The following MRTFA variants were observed in gnomAD, a reference collection of about 807,000 sequenced individuals.
MRTFA encodes the protein myocardin related transcription factor A, also known as myocardin-related transcription factor A.
In MRTFA, 20 loss-of-function variants were observed where a neutral mutation model predicts 83.5. That is an observed-to-expected ratio of 0.24 (90% CI 0.17 to 0.35). The LOEUF is 0.35. Among genes scored for constraint, MRTFA ranks in the 10% least tolerant of loss-of-function variants. MRTFA has a pLI of 1.00. For missense variants in MRTFA, 1,200 were observed against 1,224.7 expected (o/e 0.98, Z 0.30); for synonymous variants, 659 against 541.2 (o/e 1.22, Z -3.02).
At position 40,411,786 on chromosome 22, in the gene MRTFA, A is replaced by C; in HGVS notation, c.2700T>G (p.Ala900=). ...AGGGTGAGCCTGGAGGAGGTGGGGCAGCCTGGGGGAGCTCAGCAGAAGGTG... is the reference window on the plus strand; with the variant it reads ...AGGGTGAGCCTGGAGGAGGTGGGGCCGCCTGGGGGAGCTCAGCAGAAGGTG... Residue 900 remains alanine, a synonymous_variant, in exon 15 of 15, where the codon GCT becomes GCG. Coordinates refer to ENST00000355630, the MANE Select transcript of MRTFA (RefSeq NM_020831.6). 1 of 1,529,462 alleles carries C rather than the reference A, an allele frequency of 6.5e-7. No individual in the cohort carries two copies. The highest frequency in any genetic ancestry group is 8.8e-7 in the Non-Finnish European group (1 of 1,133,594). The allele number at this position is 1,529,462 out of a possible 1,614,324, so 94.7% of individuals were successfully genotyped here. A position where few individuals can be genotyped will look rare whatever the true frequency, so the allele number is the denominator to read the frequency against.
intron 2 of MRTFA, among the ~76,000 whole-genome samples, chr22:40,570,198 T>C (rs2055768687): frequency 6.6e-6 from 1 of 152,112 alleles, no homozygotes; most frequent in Admixed American, 6.5e-5. Flanking sequence ...CCAGCCTCCC[T>C]TGCAGCTAAG....
intron 1 of MRTFA, among the ~76,000 whole-genome samples, chr22:40,595,735 C>A (rs1386227671): frequency 1.3e-5 from 2 of 151,896 alleles, no homozygotes; most frequent in East Asian, 1.9e-4. Flanking sequence ...GAAGGCTTTA[C>A]GTAAGAGATG....
intron 3 of MRTFA, chr22:40,523,622 G>A (rs1205577183): frequency 6.6e-6 from 1 of 152,170 alleles, no homozygotes; most frequent in Non-Finnish European, 1.5e-5. Flanking sequence ...TTACAGCTGT[G>A]AGCCACTGCA....
rs749878516 is a variant in MRTFA, at chr22:40,411,417, C to G, written c.3069G>C (p.Leu1023Phe). 1 of 1,570,694 alleles carries G rather than the reference C, an allele frequency of 6.4e-7. No individual in the cohort carries two copies. Among genetic ancestry groups the G allele is most frequent in the South Asian group, 1.2e-5 (1 of 86,590 alleles). Residue 1023 changes from leucine to phenylalanine, a missense_variant, in exon 15 of 15, where the codon TTG becomes TTC. Leu to Phe is a conservative substitution (Grantham distance 22). Coordinates refer to ENST00000355630, the MANE Select transcript of MRTFA (RefSeq NM_020831.6). ...ACAAGCAGGAATCCCAGTGCAGCTG[C>G]AAATCATGGCCATCGAGGAAGTCTG...
intron 2 of MRTFA, among the ~76,000 whole-genome samples, chr22:40,572,329 G>T (rs1043371912): frequency 1.3e-5 from 2 of 152,130 alleles, no homozygotes; most frequent in African/African-American, 4.8e-5. Flanking sequence ...TGTACACTTT[G>T]CCAGGTGCAG....
intron 4 of MRTFA, among the ~76,000 whole-genome samples, chr22:40,447,900 T>C (rs551677224): frequency 2.6e-5 from 4 of 152,152 alleles, no homozygotes; most frequent in Non-Finnish European, 5.9e-5. Flanking sequence ...TAAAGGAGTA[T>C]AGAAAACGAA....
intron 7 of MRTFA, 21 bp from the exon 8 acceptor site, chr22:40,424,402 G>C: frequency 6.2e-7 from 1 of 1,610,852 alleles, no homozygotes. Context: ...AAGCTGGTGT[G>C]AGATTCCACT....
intron 3 of MRTFA, among the ~76,000 whole-genome samples, chr22:40,529,030 G>A (rs918730467): frequency 3.9e-5 from 6 of 152,190 alleles, no homozygotes; most frequent in Non-Finnish European, 7.4e-5. Context: ...GGAGTTTTTC[G>A]TCAGTTCTAC....
chr22:40,459,830 CATATATATATATATATATATATAT>C (rs55885079), intron 4 of MRTFA, among the ~76,000 whole-genome samples: 1 of 86,952 alleles, frequency 1.2e-5, no homozygotes, highest in African/African-American at 4.9e-5. Flanking sequence ...CACATATATA[CATATATATATATATATATATATAT>C]ATATATATAC....
chr22:40,600,604 C>G (rs1216919638), intron 1 of MRTFA, among the ~76,000 whole-genome samples: 1 of 152,198 alleles, frequency 6.6e-6, no homozygotes, highest in East Asian at 1.9e-4. Flanking sequence ...GCCTGCTGGT[C>G]AACCCAGATG....
At chr22:40,527,195 C>T (rs546840051) in intron 3 of MRTFA, among the ~76,000 whole-genome samples, 1 of 152,066 alleles carries the variant, frequency 6.6e-6, no homozygotes, top group Admixed American at 6.6e-5. Flanking sequence ...AAAAATTTCA[C>T]TACTGAGTTT....
chr22:40,431,664 A>G (rs1602231634), intron 5 of MRTFA, among the ~76,000 whole-genome samples, 184 bp from the exon 6 acceptor site: 1 of 152,004 alleles, frequency 6.6e-6, no homozygotes, highest in African/African-American at 2.4e-5. Context: ...CCAAAATCCA[A>G]CTGCACCTGC....
At chr22:40,457,390 AAAAG>A (rs776556999) in intron 4 of MRTFA, among the ~76,000 whole-genome samples, 22 of 151,028 alleles carry the variant, frequency 1.5e-4, no homozygotes, top group East Asian at 7.8e-4. Flanking sequence ...AAAGAAAAGA[AAAAG>A]AAAGAAAGAA....
chr22:40,572,985 A>G (rs2055817721), intron 2 of MRTFA, among the ~76,000 whole-genome samples: 1 of 152,186 alleles, frequency 6.6e-6, no homozygotes, highest in African/African-American at 2.4e-5. Flanking sequence ...TGAGCCCTGA[A>G]AGCACTATGC....
intron 1 of MRTFA, among the ~76,000 whole-genome samples, chr22:40,630,005 G>C (rs2056624832): frequency 6.6e-6 from 1 of 151,842 alleles, no homozygotes; most frequent in Admixed American, 6.6e-5. Context: ...AGGTTAATCT[G>C]GAGGGCATTT....
intron 2 of MRTFA, among the ~76,000 whole-genome samples, chr22:40,560,324 A>C (rs1335959423): frequency 6.6e-6 from 1 of 152,254 alleles, no homozygotes; most frequent in Non-Finnish European, 1.5e-5. Context: ...AGACACAGCA[A>C]GGTTTCCTTA....
At chr22:40,447,365 AAAG>A (rs2053400454) in intron 4 of MRTFA, among the ~76,000 whole-genome samples, 2 of 151,944 alleles carry the variant, frequency 1.3e-5, no homozygotes, top group South Asian at 4.2e-4. Flanking sequence ...AAAAAAGAAA[AAAG>A]AAAAAAAAAG....
At chr22:40,477,709 T>A (rs1215426564) in intron 3 of MRTFA, among the ~76,000 whole-genome samples, 1 of 151,836 alleles carries the variant, frequency 6.6e-6, no homozygotes, top group African/African-American at 2.4e-5. Context: ...GGTAAAATGA[T>A]CTTATATCAA....
chr22:40,433,138 T>G (rs1054063172), intron 5 of MRTFA: 1 of 156,454 alleles, frequency 6.4e-6, no homozygotes, highest in Non-Finnish European at 1.4e-5. Context: ...TTGTGACAAA[T>G]AGTAAACATA....
Sources: allele counts gnomAD v4.1 joint callset (sites outside exome capture counted in the v4.1 genomes callset), GRCh38; gene constraint gnomAD v4.1.1; transcripts MANE v1.5; gene names NCBI Gene and HGNC (gene_info 2026-07-23, HGNC 2026-07-21).